The following PARD3 variants were observed in gnomAD, a reference collection of about 807,000 sequenced individuals.
PARD3 encodes the protein par-3 family cell polarity regulator.
In PARD3, 75 loss-of-function variants were observed where a neutral mutation model predicts 155.4. That is an observed-to-expected ratio of 0.48 (90% CI 0.40 to 0.58). The LOEUF (loss-of-function observed/expected upper bound fraction) is 0.58, where lower values mean the gene tolerates loss of function less well. Among genes scored for constraint, PARD3 ranks in the 20% least tolerant of loss-of-function variants. The probability of loss-of-function intolerance (pLI) is 0.00; values close to 1 mark genes in which losing one functional copy is unlikely to be tolerated. For synonymous variants in PARD3, 576 were observed against 610.5 expected (o/e 0.94, Z 0.83); for missense variants, 1,642 against 1,721.7 (o/e 0.95, Z 0.82).
At chr10:34,752,283 A>C (rs1473873695) in intron 1 of PARD3, among the ~76,000 whole-genome samples, 2 of 152,042 alleles carry the variant, frequency 1.3e-5, no homozygotes, top group Admixed American at 6.5e-5. Context: ...GCTTAAAAAA[A>C]AAAAAAGTAA....
intron 3 of PARD3, among the ~76,000 whole-genome samples, chr10:34,508,816 C>T (rs562583762): frequency 1.3e-5 from 2 of 152,282 alleles, no homozygotes; most frequent in African/African-American, 4.8e-5. Flanking sequence ...CCTCTTTACA[C>T]ATCCCCAGGA....
At chr10:34,783,323 G>T (rs1252414946) in intron 1 of PARD3, among the ~76,000 whole-genome samples, 1 of 151,810 alleles carries the variant, frequency 6.6e-6, no homozygotes, top group African/African-American at 2.4e-5. Flanking sequence ...ATAAGTCCTC[G>T]GCCAGGCACA....
At chr10:34,729,530 CA>C (rs56210783) in intron 1 of PARD3, among the ~76,000 whole-genome samples, 213 of 111,422 alleles carry the variant, frequency 1.9e-3, no homozygotes, top group South Asian at 4.6e-3. Context: ...GACTCCATCT[CA>C]AAAAAAAAAA....
rs1202367992 is a variant in PARD3 at position 34,485,135 on chromosome 10, C to T, written c.404-14872G>A. Among the ~76,000 whole-genome samples, 13 of 152,142 alleles carry T rather than the reference C, an allele frequency of 8.5e-5. No homozygotes were observed. The East Asian group carries it at 1.4e-3, about 16-fold the overall frequency. ...GGCAGATCACCTTAGGTCAGGAGTT[C>T]GAGACCAGTGTGACCAACATGGTGC... On this transcript the variant is annotated intron_variant, in intron 3 of 24. Coordinates refer to ENST00000374788, the MANE Select transcript of PARD3 (RefSeq NM_001184785.2).
intron 14 of PARD3, among the ~76,000 whole-genome samples, chr10:34,355,474 C>G (rs1442434764): frequency 1.3e-5 from 2 of 152,100 alleles, no homozygotes; most frequent in Non-Finnish European, 2.9e-5. Flanking sequence ...ATTAGGTGCC[C>G]ATAAGACATA....
intron 22 of PARD3, among the ~76,000 whole-genome samples, chr10:34,136,311 T>C (rs1415698828): frequency 6.6e-6 from 1 of 152,184 alleles, no homozygotes; most frequent in African/African-American, 2.4e-5. Context: ...CTTGCAGGCT[T>C]GAAGTCTCAC....
At chr10:34,622,291 T>C (rs1389375346) in intron 2 of PARD3, among the ~76,000 whole-genome samples, 2 of 152,246 alleles carry the variant, frequency 1.3e-5, no homozygotes, top group Non-Finnish European at 2.9e-5. Flanking sequence ...TTTGCATGTA[T>C]TTGATATAAA....
rs115533373 is a variant in PARD3 at position 34,409,797 on chromosome 10, T to C, written c.715-7880A>G. ...ACTCATTAGCTATGTATTTGTTGCA[T>C]TGTCCTTAATTCCCAGTATATGATA... is the stretch of plus-strand genomic sequence containing the variant. On this transcript the variant is annotated intron_variant, in intron 5 of 24. Coordinates refer to ENST00000374788, the MANE Select transcript of PARD3 (RefSeq NM_001184785.2). Among the ~76,000 whole-genome samples, 665 of 152,320 alleles carry C rather than the reference T, an allele frequency of 4.4e-3. 3 individuals carry two copies. The highest frequency in any genetic ancestry group is 0.015 in the African/African-American group (628 of 41,578).
At chr10:34,319,038 C>G (rs1017125190) in intron 19 of PARD3, among the ~76,000 whole-genome samples, 1 of 150,466 alleles carries the variant, frequency 6.6e-6, no homozygotes, top group Admixed American at 6.6e-5. Context: ...CTCGGCCTCC[C>G]AAAGTGCTGG....
intron 22 of PARD3, among the ~76,000 whole-genome samples, chr10:34,167,889 T>C (rs564547356): frequency 7.2e-5 from 11 of 152,306 alleles, no homozygotes; most frequent in African/African-American, 2.6e-4. Flanking sequence ...CTCTTGATAC[T>C]AATTGAAATA....
chr10:34,660,778 C>T (rs896143592), intron 2 of PARD3, among the ~76,000 whole-genome samples: 2 of 152,244 alleles, frequency 1.3e-5, no homozygotes, highest in East Asian at 3.9e-4. Flanking sequence ...GATAGCAATT[C>T]CTGCACAGCA....
At chr10:34,492,062 G>A (rs1003758740) in intron 3 of PARD3, among the ~76,000 whole-genome samples, 4 of 152,192 alleles carry the variant, frequency 2.6e-5, no homozygotes, top group African/African-American at 9.7e-5. Flanking sequence ...CAAACGAGGT[G>A]TGGAAAAAGA....
chr10:34,684,472 G>T (rs1365119543), intron 2 of PARD3, among the ~76,000 whole-genome samples: 1 of 152,054 alleles, frequency 6.6e-6, no homozygotes, highest in African/African-American at 2.4e-5. Flanking sequence ...AACACTGAAT[G>T]TAATCTCCCA....
intron 22 of PARD3, among the ~76,000 whole-genome samples, chr10:34,220,090 A>T (rs1450840156): frequency 2.0e-5 from 3 of 152,216 alleles, no homozygotes; most frequent in African/African-American, 7.2e-5. Context: ...AAACCTTTTA[A>T]GGTTATTGAA....
At chr10:34,517,689 C>T (rs549784042) in intron 2 of PARD3, among the ~76,000 whole-genome samples, 1 of 152,204 alleles carries the variant, frequency 6.6e-6, no homozygotes, top group East Asian at 1.9e-4. Flanking sequence ...TCTTACTCTA[C>T]TACACGCCCC....
intron 22 of PARD3, among the ~76,000 whole-genome samples, chr10:34,253,492 G>A (rs910680868): frequency 1.3e-5 from 2 of 152,188 alleles, no homozygotes; most frequent in African/African-American, 2.4e-5. Context: ...CCACAGTGAT[G>A]AGCCACGGTA....
intron 5 of PARD3, among the ~76,000 whole-genome samples, chr10:34,433,546 A>C (rs2076048621): frequency 6.6e-6 from 1 of 152,180 alleles, no homozygotes; most frequent in Admixed American, 6.5e-5. Flanking sequence ...CAAAGTTCTC[A>C]GGAAAATTAG....
At chr10:34,452,700 C>T (rs977099694) in intron 4 of PARD3, among the ~76,000 whole-genome samples, 1 of 152,124 alleles carries the variant, frequency 6.6e-6, no homozygotes, top group Non-Finnish European at 1.5e-5. Flanking sequence ...TGCACAATTT[C>T]ACCACGTCCT....
At chr10:34,568,738 C>T (rs1013292182) in intron 2 of PARD3, among the ~76,000 whole-genome samples, 30 of 152,184 alleles carry the variant, frequency 2.0e-4, no homozygotes, top group Admixed American at 3.9e-4. Context: ...TGCTCCAGAA[C>T]TTGCTGGCTG....
Sources: allele counts gnomAD v4.1 joint callset (sites outside exome capture counted in the v4.1 genomes callset), GRCh38; gene constraint gnomAD v4.1.1; transcripts MANE v1.5; gene names NCBI Gene and HGNC (gene_info 2026-07-23, HGNC 2026-07-21).